Variants in ERICH1 observed in about 807,000 individuals in gnomAD.
ERICH1 encodes glutamate rich 1.
In ERICH1, 56 loss-of-function variants were observed where a neutral mutation model predicts 39.6. The ratio of observed to expected loss-of-function variants is 1.41; its 90% CI spans 1.14 to 1.77. The LOEUF (loss-of-function observed/expected upper bound fraction) is 1.77, where lower values mean the gene tolerates loss of function less well. Ranked by LOEUF, ERICH1 falls within the 40% of genes most tolerant of loss-of-function variation. The pLI, the probability that ERICH1 is intolerant of heterozygous loss-of-function variation, is 0.00. For missense variants in ERICH1, 826 were observed against 575.4 expected (o/e 1.44, Z -4.45); for synonymous variants, 313 against 223.6 (o/e 1.40, Z -3.57).
At chr8:684,120 A>C (rs1806771282) in intron 3 of ERICH1, among the ~76,000 whole-genome samples, 1 of 152,238 alleles carries the variant, frequency 6.6e-6, no homozygotes, top group Admixed American at 6.5e-5. Context: ...CATTTTCTAT[A>C]ACTTTCCATA....
intron 2 of ERICH1, among the ~76,000 whole-genome samples, chr8:693,268 A>G (rs1162544969): frequency 5.3e-5 from 8 of 151,704 alleles, no homozygotes; most frequent in African/African-American, 1.7e-4. Context: ...ACAGACACAC[A>G]TACATCTTCA....
Position 646,005 on chromosome 8 carries a change from C to T in ERICH1, c.976+22593G>A, listed in dbSNP as rs1285104932. ...ACTGGCTGCTCTCGTTTGTCTCCAA[C>T]ACGCAGTTACTCCAGGATGAAATGC... is the stretch of plus-strand genomic sequence containing the variant. On this transcript the variant is annotated intron_variant, in intron 3 of 3. Coordinates refer to the ERICH1 transcript ENST00000522706. Among the ~76,000 whole-genome samples, 10 of 70,252 alleles carry T rather than the reference C, an allele frequency of 1.4e-4. 4 individuals are homozygous for T. In the East Asian group the frequency reaches 2.9e-3, roughly 21 times the overall value. The allele number at this position is 70,252 out of a possible 152,430, so 46.1% of individuals were successfully genotyped here.
intron 3 of ERICH1, among the ~76,000 whole-genome samples, chr8:688,675 G>T (rs538796510): frequency 6.6e-6 from 1 of 152,338 alleles, no homozygotes; most frequent in South Asian, 2.1e-4. Flanking sequence ...AGAAGAATGA[G>T]TTAAGCAGCA....
chr8:720,126 C>A (rs1816950897), intron 1 of ERICH1, among the ~76,000 whole-genome samples: 2 of 152,218 alleles, frequency 1.3e-5, no homozygotes, highest in Non-Finnish European at 2.9e-5. Context: ...TTGAAAATCA[C>A]TGACTGCTCT....
chr8:663,449 C>T (rs1458433988), downstream of ERICH1, among the ~76,000 whole-genome samples: 4 of 152,144 alleles, frequency 2.6e-5, no homozygotes, highest in East Asian at 7.8e-4. Context: ...CACCAGGCGA[C>T]CGTGCAGTTC....
At chr8:651,651 G>A (rs1585044893) in intron 3 of ERICH1, among the ~76,000 whole-genome samples, 4 of 151,600 alleles carry the variant, frequency 2.6e-5, no homozygotes, top group South Asian at 4.2e-4. Context: ...GACAGGAGAG[G>A]CAGAGAGCGA....
At chr8:720,328 A>C (rs1048624985) in intron 1 of ERICH1, among the ~76,000 whole-genome samples, 1 of 152,176 alleles carries the variant, frequency 6.6e-6, no homozygotes, top group African/African-American at 2.4e-5. Context: ...CAGAACGCTG[A>C]GGTACCCACG....
At chr8:623,820 AG>A (rs1174526860) in intron 3 of ERICH1, among the ~76,000 whole-genome samples, 8 of 152,216 alleles carry the variant, frequency 5.3e-5, no homozygotes, top group African/African-American at 1.9e-4. Flanking sequence ...CACAGGTATA[AG>A]TCTTCATGAC....
At chr8:696,237 A>C (rs1451486739) in intron 2 of ERICH1, among the ~76,000 whole-genome samples, 2 of 27,950 alleles carry the variant, frequency 7.2e-5, no homozygotes, top group Non-Finnish European at 1.2e-4. Flanking sequence ...GGCTCCTCTC[A>C]CCCTCCACTC....
intron 2 of ERICH1, among the ~76,000 whole-genome samples, chr8:703,843 G>A (rs1357471888): frequency 1.3e-5 from 2 of 152,170 alleles, no homozygotes; most frequent in South Asian, 2.1e-4. Flanking sequence ...TCTGTAAACC[G>A]AAGATTGAAA....
At chr8:708,681 GTTTTTTTTTTTTTT>G (rs139731216) in intron 2 of ERICH1, among the ~76,000 whole-genome samples, 4 of 65,774 alleles carry the variant, frequency 6.1e-5, no homozygotes, top group Non-Finnish European at 8.9e-5. Flanking sequence ...GGGATAATGA[GTTTTTTTTTTTTTT>G]TTTTTTTTTT....
intron 2 of ERICH1, among the ~76,000 whole-genome samples, chr8:714,024 G>A (rs1815378433): frequency 8.3e-6 from 1 of 120,970 alleles, no homozygotes; most frequent in African/African-American, 3.5e-5. Context: ...TCTCTCGGTG[G>A]GATGTGCTGC....
rs150548835 is a variant in ERICH1 at position 683,756 on chromosome 8, C to T, written c.304+8722G>A. Among the ~76,000 whole-genome samples, 121 of 152,264 alleles carry T rather than the reference C, an allele frequency of 7.9e-4. No homozygotes were observed. In the East Asian group the frequency reaches 0.011, roughly 13 times the overall value. Reference sequence around the variant, plus strand: ...TGTGATTTTGAATTTGGATGCCGGGCGGTGATCAGGAACCACCAAAGGAAA... The same window carrying T: ...TGTGATTTTGAATTTGGATGCCGGGTGGTGATCAGGAACCACCAAAGGAAA... On this transcript the variant is annotated intron_variant, in intron 3 of 5. Coordinates refer to ENST00000262109, the MANE Select transcript of ERICH1 (RefSeq NM_207332.3).
intron 3 of ERICH1, among the ~76,000 whole-genome samples, chr8:618,616 C>T (rs952154322): frequency 6.6e-6 from 1 of 152,326 alleles, no homozygotes; most frequent in East Asian, 1.9e-4. Context: ...TCCTTCAGGC[C>T]TCAGCTGTGA....
chr8:687,933 G>A (rs1393767719), intron 3 of ERICH1, among the ~76,000 whole-genome samples: 1 of 152,098 alleles, frequency 6.6e-6, no homozygotes, highest in Non-Finnish European at 1.5e-5. Flanking sequence ...CCCGAGCAGG[G>A]TCTGAGGCTC....
At chr8:674,118 A>T in intron 3 of ERICH1, 71 bp from the exon 4 acceptor site, 1 of 1,457,310 alleles carries the variant, frequency 6.9e-7, no homozygotes, top group Non-Finnish European at 9.0e-7. Flanking sequence ...GGCTAAATAA[A>T]TTTTCCATCA....
In ERICH1 at chr8:668,758, T is replaced by C. The variant is rs1472934907; in HGVS notation, c.1098A>G (p.Ala366=). 7 of 1,611,944 alleles carry C rather than the reference T, an allele frequency of 4.3e-6. No individual in the cohort carries two copies. Among genetic ancestry groups the C allele is most frequent in the Non-Finnish European group, 5.9e-6 (7 of 1,178,692 alleles). ...GGTCCAGCAGCTCCTCAGCGGCATC[T>C]GCGAGGGCAGCTGAAGCTGCATCTC... ...VSRDAASAAL[A]DAAEELLDRL... is the part of the protein sequence containing the mutation. Residue 366 remains alanine (A), a synonymous_variant, in exon 5 of 6, where the codon GCA becomes GCG. Coordinates refer to ENST00000262109, the MANE Select transcript of ERICH1 (RefSeq NM_207332.3).
chr8:708,075 C>T (rs370025068), intron 2 of ERICH1, among the ~76,000 whole-genome samples: 2 of 151,912 alleles, frequency 1.3e-5, no homozygotes, highest in African/African-American at 4.8e-5. Flanking sequence ...AATGGAAAAC[C>T]ACAATGAGAT....
intron 1 of ERICH1, among the ~76,000 whole-genome samples, chr8:723,302 G>C (rs955138775): frequency 6.6e-6 from 1 of 152,116 alleles, no homozygotes; most frequent in African/African-American, 2.4e-5. Flanking sequence ...AAATAACCCG[G>C]CCTCCGACAT....
Sources: allele counts gnomAD v4.1 joint callset (sites outside exome capture counted in the v4.1 genomes callset), GRCh38; gene constraint gnomAD v4.1.1; transcripts MANE v1.5; gene names NCBI Gene and HGNC (gene_info 2026-07-23, HGNC 2026-07-21).